DACH1: variants seen among roughly 807,000 people sequenced by gnomAD.
DACH1 encodes dachshund family transcription factor 1.
DACH1 carries 12 observed loss-of-function variants against 54.2 expected under a neutral mutation model. The observed-to-expected ratio is 0.22, with a 90% CI of 0.14 to 0.36. The LOEUF is 0.36. Ranked by LOEUF, DACH1 falls within the 10% of genes least tolerant of loss-of-function variation. The probability of loss-of-function intolerance (pLI) is 1.00; values close to 1 mark genes in which losing one functional copy is unlikely to be tolerated. For missense variants in DACH1, 805 were observed against 929.8 expected, an observed-to-expected ratio of 0.87 and a Z score of 1.75; for synonymous variants, 386 against 366.2, an observed-to-expected ratio of 1.05 and a Z score of -0.62.
intron 4 of DACH1, among the ~76,000 whole-genome samples, chr13:71,562,495 T>A (rs2138389369): frequency 6.6e-6 from 1 of 152,208 alleles, no homozygotes; most frequent in Non-Finnish European, 1.5e-5. Context: ...GTTTATAACA[T>A]GTATGCATTT....
chr13:71,663,587 G>A (rs1490774439), intron 2 of DACH1, among the ~76,000 whole-genome samples: 1 of 151,898 alleles, frequency 6.6e-6, no homozygotes, highest in Non-Finnish European at 1.5e-5. Flanking sequence ...GAAATTTAAA[G>A]GAATTGCCAA....
intron 1 of DACH1, among the ~76,000 whole-genome samples, chr13:71,844,319 G>A (rs1480998723): frequency 1.3e-5 from 2 of 152,118 alleles, no homozygotes; most frequent in African/African-American, 2.4e-5. Flanking sequence ...GGACAGGCAA[G>A]CAAGGCAGGG....
At chr13:71,448,236 A>T (rs562952986) in intron 10 of DACH1, among the ~76,000 whole-genome samples, 2 of 152,332 alleles carry the variant, frequency 1.3e-5, no homozygotes, top group South Asian at 4.1e-4. Flanking sequence ...AACACAGCAG[A>T]GGGCAAACAT....
chr13:71,518,120 G>A lies in DACH1; in HGVS notation c.1571-28972C>T, dbSNP rs548792865. Among the ~76,000 whole-genome samples, 10 of 151,898 alleles carry A rather than the reference G, an allele frequency of 6.6e-5. No homozygotes were observed. The East Asian group carries it at 1.9e-3, about 30-fold the overall frequency. On this transcript the variant is annotated intron_variant, in intron 6 of 10. Coordinates refer to ENST00000613252, the MANE Select transcript of DACH1 (RefSeq NM_080759.6). ...GAACTGAAATATGTCCCTTCAAATTGATGTGTTGAAGCTATAATGCCCAAT... is the reference window on the plus strand; with the variant it reads ...GAACTGAAATATGTCCCTTCAAATTAATGTGTTGAAGCTATAATGCCCAAT...
chr13:71,441,541 T>G (rs1404097581), intron 10 of DACH1, among the ~76,000 whole-genome samples: 2 of 152,034 alleles, frequency 1.3e-5, no homozygotes, highest in African/African-American at 4.8e-5. Context: ...AATTTTAATA[T>G]GTACAGTAGA....
At chr13:71,451,901 G>A (rs1875091640) in intron 10 of DACH1, among the ~76,000 whole-genome samples, 1 of 152,084 alleles carries the variant, frequency 6.6e-6, no homozygotes, top group Non-Finnish European at 1.5e-5. Flanking sequence ...CATCTTTATT[G>A]TTAATAAATA....
chr13:71,461,194 A>G (rs1320743072), intron 10 of DACH1, among the ~76,000 whole-genome samples: 1 of 152,096 alleles, frequency 6.6e-6, no homozygotes, highest in Non-Finnish European at 1.5e-5. Flanking sequence ...TGCAATATTT[A>G]TACCACTTAA....
At chr13:71,777,983 G>A (rs1886134715) in intron 1 of DACH1, among the ~76,000 whole-genome samples, 1 of 151,740 alleles carries the variant, frequency 6.6e-6, no homozygotes, top group African/African-American at 2.4e-5. Flanking sequence ...TGGTAGTAAG[G>A]GGTTGTGCCT....
At chr13:71,698,603 G>T (rs913667222) in intron 1 of DACH1, among the ~76,000 whole-genome samples, 1 of 151,806 alleles carries the variant, frequency 6.6e-6, no homozygotes, top group East Asian at 1.9e-4. Context: ...AATAAATTAC[G>T]GTGTATACTA....
intron 6 of DACH1, among the ~76,000 whole-genome samples, chr13:71,555,350 C>CT (rs1344855796): frequency 0.011 from 1,568 of 145,670 alleles, 25 homozygotes; most frequent in African/African-American, 0.035. Flanking sequence ...CTTATCTTTT[C>CT]TTTTTTTTTT....
At chr13:71,471,984 T>A (rs1737532354) in intron 10 of DACH1, among the ~76,000 whole-genome samples, 1 of 152,202 alleles carries the variant, frequency 6.6e-6, no homozygotes, top group African/African-American at 2.4e-5. Context: ...TTTTATGAAC[T>A]CTGTCTACTT....
chr13:71,596,417 A>C (rs1337168328), intron 3 of DACH1, among the ~76,000 whole-genome samples: 1 of 152,076 alleles, frequency 6.6e-6, no homozygotes, highest in Non-Finnish European at 1.5e-5. Flanking sequence ...GCATTTATAC[A>C]CTTTGGGGAT....
intron 2 of DACH1, among the ~76,000 whole-genome samples, chr13:71,657,139 C>A (rs571240919): frequency 6.6e-6 from 1 of 151,170 alleles, no homozygotes; most frequent in Non-Finnish European, 1.5e-5. Flanking sequence ...GACTTAGAGT[C>A]CTCATTTTAT....
At chr13:71,469,188 A>G (rs1692290534) in intron 10 of DACH1, among the ~76,000 whole-genome samples, 1 of 152,180 alleles carries the variant, frequency 6.6e-6, no homozygotes, top group African/African-American at 2.4e-5. Flanking sequence ...ATCTTAGGTG[A>G]TCTTGCCTTT....
chr13:71,834,677 C>A (rs1480637183), intron 1 of DACH1, among the ~76,000 whole-genome samples: 1 of 150,152 alleles, frequency 6.7e-6, no homozygotes, highest in Non-Finnish European at 1.5e-5. Flanking sequence ...GTGGACCCAC[C>A]TTAACATTTA....
intron 4 of DACH1, 142 bp from the exon 5 acceptor site, chr13:71,560,097 A>T: frequency 1.0e-6 from 1 of 979,292 alleles, no homozygotes; most frequent in East Asian, 3.1e-5. Context: ...AACTGTACTA[A>T]AAGATATGTT....
chr13:71,545,167 T>G (rs1355875491), intron 6 of DACH1, among the ~76,000 whole-genome samples: 1 of 152,082 alleles, frequency 6.6e-6, no homozygotes, highest in Non-Finnish European at 1.5e-5. Context: ...AAACTGAAGG[T>G]CACGGACATT....
chr13:71,641,113 G>T (rs576988762), intron 2 of DACH1, among the ~76,000 whole-genome samples: 1 of 151,830 alleles, frequency 6.6e-6, no homozygotes, highest in African/African-American at 2.4e-5. Context: ...TGTTTGGGAT[G>T]AGCCATCTAA....
chr13:71,667,257 T>C (rs1879903397), intron 2 of DACH1, among the ~76,000 whole-genome samples: 1 of 152,140 alleles, frequency 6.6e-6, no homozygotes. Context: ...ATTATAATCC[T>C]GAAATTTAAA....
Sources: allele counts gnomAD v4.1 joint callset (sites outside exome capture counted in the v4.1 genomes callset), GRCh38; gene constraint gnomAD v4.1.1; transcripts MANE v1.5; gene names NCBI Gene and HGNC (gene_info 2026-07-23, HGNC 2026-07-21).